The following TARDBP variants were observed in gnomAD, a reference collection of about 807,000 sequenced individuals.
TARDBP encodes TAR DNA-binding protein 43.
A neutral mutation model predicts 38.3 loss-of-function variants in TARDBP; 4 were observed. The observed-to-expected ratio is 0.10, with a 90% CI of 0.05 to 0.24. The LOEUF is 0.24. Among genes scored for constraint, TARDBP ranks in the 10% least tolerant of loss-of-function variants. TARDBP has a pLI of 1.00. For synonymous variants in TARDBP, 184 were observed against 183.8 expected, an observed-to-expected ratio of 1.00 and a Z score of -0.01; for missense variants, 202 against 521.9, an observed-to-expected ratio of 0.39 and a Z score of 5.97.
chr1:11,025,754 TA>T (rs1177536362), downstream of TARDBP: 2 of 153,148 alleles, frequency 1.3e-5, no homozygotes, highest in African/African-American at 4.8e-5. Flanking sequence ...AATAGCCAGC[TA>T]AAACCAAATG....
At chr1:11,017,284 A>C (rs1228028471) in intron 3 of TARDBP, among the ~76,000 whole-genome samples, 3 of 148,388 alleles carry the variant, frequency 2.0e-5, no homozygotes, top group Non-Finnish European at 4.5e-5. Context: ...GCTCACTGCA[A>C]CCTCCACCTC....
Position 11,018,759 on chromosome 1 carries a change from T to A in TARDBP, c.429T>A (p.His143Gln). ...TCAAGAAAGATCTTAAGACTGGTCA[T>A]TCAAAGGGGTTTGGCTTTGTTCGTT... is the stretch of plus-strand genomic sequence containing the variant. ...VQVKKDLKTG[H>Q]SKGFGFVRFT... The change falls in exon 4 of 6, where the codon CAT (histidine) becomes CAA (glutamine). Residue 143 changes from histidine to glutamine, a missense_variant. Transcript: ENST00000240185. 1 of 1,614,200 alleles carries A rather than the reference T, an allele frequency of 6.2e-7. No individual in the cohort carries two copies. Among genetic ancestry groups the A allele is most frequent in the Non-Finnish European group, 8.5e-7 (1 of 1,180,026 alleles).
At chr1:11,027,473 A>G, downstream of TARDBP, 2 of 1,614,156 alleles carry the variant, frequency 1.2e-6, no homozygotes, top group Non-Finnish European at 1.7e-6. Flanking sequence ...GGGCGGATGC[A>G]TCATGTTTTT....
At chr1:11,030,219 C>A, downstream of TARDBP, 1 of 1,613,750 alleles carries the variant, frequency 6.2e-7, no homozygotes, top group South Asian at 1.1e-5. Flanking sequence ...TGGAGCTCGT[C>A]CAGAATCCAT....
downstream of TARDBP, chr1:11,027,701 T>G: frequency 1.3e-6 from 2 of 1,520,170 alleles, no homozygotes; most frequent in Non-Finnish European, 1.8e-6. Context: ...TCAATCGTGT[T>G]TTTCTTAAAT....
At chr1:11,028,697 G>GTTTTTTTTTTTTTTTTTTTTTT (rs1208974169), downstream of TARDBP, among the ~76,000 whole-genome samples, 1 of 36,178 alleles carries the variant, frequency 2.8e-5, no homozygotes, top group African/African-American at 1.3e-4. Context: ...ATCTTTCTGG[G>GTTTTTTTTTTTTTTTTTTTTTT]TTTTTTTTCT....
chr1:11,021,854 C>A (rs1465970966), intron 5 of TARDBP, among the ~76,000 whole-genome samples: 1 of 151,750 alleles, frequency 6.6e-6, no homozygotes, highest in African/African-American at 2.4e-5. Flanking sequence ...TGGCCTCACA[C>A]AGTCCTCCCA....
intron 3 of TARDBP, chr1:11,018,381 G>A (rs1643571354): frequency 3.1e-6 from 1 of 321,112 alleles, no homozygotes; most frequent in Non-Finnish European, 6.0e-6. Context: ...TAGAGACAGG[G>A]TTTTGCTGTG....
rs1643689488 is a variant in TARDBP at position 11,024,215 on chromosome 1, T to C, written c.*1561T>C. On this transcript the variant is annotated 3_prime_UTR_variant, in exon 6 of 6. Transcript: ENST00000240185. ...AGTCAAATGGATTCATCACCTGTCA[T>C]GCATTGACACCTGATACCCAGACTT... 6.6e-6 allele frequency: 1 copy of C among 152,640 alleles called. No individual in the cohort carries two copies. The highest frequency in any genetic ancestry group is 2.4e-5 in the African/African-American group (1 of 41,460). 9.5% of individuals were successfully genotyped at this position (152,640 alleles called of 1,614,324 possible). A position where few individuals can be genotyped will look rare whatever the true frequency, so the allele number is the denominator to read the frequency against.
At chr1:11,014,953 A>G (rs943861978) in intron 2 of TARDBP, among the ~76,000 whole-genome samples, 2 of 152,036 alleles carry the variant, frequency 1.3e-5, no homozygotes, top group Admixed American at 6.6e-5. Context: ...AAAAAAAACG[A>G]AAACAAAAAT....
downstream of TARDBP, among the ~76,000 whole-genome samples, chr1:11,028,721 T>TGG (rs1570734614): frequency 2.0e-5 from 3 of 148,432 alleles, no homozygotes; most frequent in East Asian, 3.9e-4. Context: ...TTTTTTTTTT[T>TGG]TTTTTTTTTT....
At chr1:11,029,955 A>T, downstream of TARDBP, 1 of 413,194 alleles carries the variant, frequency 2.4e-6, no homozygotes. Context: ...TTGCCTAGTT[A>T]TAAGGTCAAA....
At chr1:11,019,156 T>A (rs1019605987) in intron 4 of TARDBP, 1 of 438,116 alleles carries the variant, frequency 2.3e-6, no homozygotes, top group East Asian at 4.9e-5. Flanking sequence ...GTTTCTTACA[T>A]AGTTATATGT....
At chr1:11,021,943 A>G (rs1004245451) in intron 5 of TARDBP, among the ~76,000 whole-genome samples, 181 bp from the exon 6 acceptor site, 2 of 152,188 alleles carry the variant, frequency 1.3e-5, no homozygotes, top group African/African-American at 4.8e-5. Context: ...CGACTGAAAT[A>G]TCACTGCTGC....
intron 2 of TARDBP, among the ~76,000 whole-genome samples, chr1:11,014,638 A>G (rs569329952): frequency 5.3e-5 from 8 of 152,232 alleles, no homozygotes; most frequent in African/African-American, 1.9e-4. Context: ...ACCCTTTTAC[A>G]TGTCTAGGAA....
chr1:11,017,951 C>T (rs924223285), intron 3 of TARDBP, among the ~76,000 whole-genome samples: 5 of 151,818 alleles, frequency 3.3e-5, no homozygotes, highest in East Asian at 1.9e-4. Flanking sequence ...GGCATGATCT[C>T]GGCTCACTGC....
downstream of TARDBP, chr1:11,027,046 C>T (rs532646305): frequency 3.1e-5 from 50 of 1,593,028 alleles, no homozygotes; most frequent in South Asian, 1.3e-4. Flanking sequence ...AGTGCCCCTC[C>T]GCTGTCACCT....
downstream of TARDBP, chr1:11,030,316 T>C: frequency 9.0e-7 from 1 of 1,117,036 alleles, no homozygotes; most frequent in African/African-American, 1.6e-5. Flanking sequence ...TTTGCTTGAA[T>C]ACCCCCTTGA....
At position 11,023,547 on chromosome 1, in the gene TARDBP, C is replaced by G. The variant is rs1173893634; in HGVS notation, c.*893C>G. The stretch of plus-strand genomic sequence containing the variant: ...GCATAATGGATATTTTTTAACTTGG[C>G]GAGATGTGTCTCTCAATCCTGTGGC... On this transcript the variant is annotated 3_prime_UTR_variant, in exon 6 of 6. Transcript: ENST00000240185. 2.3e-6 allele frequency: 1 copy of G among 430,108 alleles called. No individual in the cohort carries two copies. Among genetic ancestry groups the G allele is most frequent in the African/African-American group, 2.0e-5 (1 of 49,882 alleles). The allele number at this position is 430,108 out of a possible 1,614,324, so 26.6% of individuals were successfully genotyped here.
Sources: gnomAD v4.1 joint callset for allele counts (sites outside exome capture counted in the v4.1 genomes callset) on GRCh38, gnomAD v4.1.1 for gene constraint, MANE v1.5 for transcripts, NCBI Gene and HGNC (gene_info 2026-07-23, HGNC 2026-07-21) for gene names.